GALNT11: variants seen among roughly 807,000 people sequenced by gnomAD.
The protein encoded by GALNT11 is UDP-GalNAc:polypeptide N-acetylgalactosaminyltransferase 11.
GALNT11 carries 47 observed loss-of-function variants against 72.7 expected under a neutral mutation model. That is an observed-to-expected ratio of 0.65 (90% CI 0.51 to 0.82). GALNT11 has a LOEUF of 0.82. GALNT11 is among the 40% of genes least tolerant of loss of function. GALNT11 has a pLI of 0.00. For synonymous variants in GALNT11, 270 were observed against 286.6 expected (o/e 0.94, Z 0.58); for missense variants, 677 against 778.4 (o/e 0.87, Z 1.55).
intron 1 of GALNT11, among the ~76,000 whole-genome samples, chr7:152,081,965 T>C (rs1222841135): frequency 6.6e-6 from 1 of 152,210 alleles, no homozygotes; most frequent in Admixed American, 6.5e-5. Context: ...GTGTGGATAG[T>C]TCATAGTTTG....
chr7:152,072,874 C>T (rs1004745100), intron 1 of GALNT11, among the ~76,000 whole-genome samples: 21 of 152,340 alleles, frequency 1.4e-4, no homozygotes, highest in Middle Eastern at 3.4e-3. Flanking sequence ...TGCTGACGGG[C>T]ACCACCCTTT....
At chr7:152,070,780 A>G (rs563147315) in intron 1 of GALNT11, among the ~76,000 whole-genome samples, 18 of 152,268 alleles carry the variant, frequency 1.2e-4, no homozygotes, top group African/African-American at 4.3e-4. Context: ...TTATCGGGGA[A>G]TCTGCCCCAA....
intron 1 of GALNT11, among the ~76,000 whole-genome samples, chr7:152,071,634 A>C (rs912709237): frequency 6.6e-6 from 1 of 152,232 alleles, no homozygotes; most frequent in African/African-American, 2.4e-5. Context: ...AGGCATAGGA[A>C]ATCACAAGGG....
chr7:152,029,124 T>TA (rs1337526986), intron 1 of GALNT11, among the ~76,000 whole-genome samples: 2 of 152,120 alleles, frequency 1.3e-5, no homozygotes, highest in Non-Finnish European at 2.9e-5. Context: ...CTGGTTAGTG[T>TA]AAAAACAACA....
At chr7:152,103,090 T>C in intron 3 of GALNT11, 22 bp from the exon 4 acceptor site, 2 of 1,583,120 alleles carry the variant, frequency 1.3e-6, no homozygotes, top group Non-Finnish European at 1.7e-6. Flanking sequence ...ATGTCAGAAT[T>C]TCCTCATCTT....
In GALNT11 at chr7:152,094,266, C is replaced by A; in HGVS notation, c.39C>A (p.Cys13Ter). 1 of 1,612,064 alleles carries A rather than the reference C, an allele frequency of 6.2e-7. No individual in the cohort carries two copies. The highest frequency in any genetic ancestry group is 1.1e-5 in the South Asian group (1 of 90,872). ...CAGTTCGGTATTTCTGTTATGGGTG[C>A]CTTTTTACATCTGCGACCTGGACAG... Reference protein sequence around the residue: ...SVTVRYFCYGCLFTSATWTVL... With the variant: ...SVTVRYFCYG The change falls in exon 2 of 12, where the codon TGC becomes TGA. Residue 13 changes from cysteine to a stop codon, truncating the protein, a stop_gained. Transcript: ENST00000430044. LOFTEE classifies it high-confidence loss of function. This position sits in a 1 kb window ranked among gnomAD's most constrained non-coding sequence, Gnocchi z 4.3.
At chr7:152,039,004 C>G (rs1393282654) in intron 1 of GALNT11, among the ~76,000 whole-genome samples, 1 of 152,098 alleles carries the variant, frequency 6.6e-6, no homozygotes, top group South Asian at 2.1e-4. Context: ...TGTTTAGCTC[C>G]TACAATGGGC....
Position 152,025,774 on chromosome 7 carries a change from G to A in GALNT11, c.-149G>A. 1 of 170,340 alleles carries A rather than the reference G, an allele frequency of 5.9e-6. No homozygotes were observed. Among genetic ancestry groups the A allele is most frequent in the South Asian group, 8.6e-5 (1 of 11,674 alleles). 10.6% of individuals were successfully genotyped at this position (170,340 alleles called of 1,614,324 possible). ...GCGCGACGCCTGGCTGCTGGGCCCC[G>A]GGGCAGTTCAGCCCGCGCCGCTCCT... On this transcript the variant is annotated 5_prime_UTR_variant, in exon 1 of 12. Coordinates refer to ENST00000430044, the MANE Select transcript of GALNT11 (RefSeq NM_022087.4).
chr7:152,071,828 G>C (rs1762907740), intron 1 of GALNT11, among the ~76,000 whole-genome samples: 1 of 152,048 alleles, frequency 6.6e-6, no homozygotes, highest in African/African-American at 2.4e-5. Context: ...TGGGGTCCCT[G>C]ACTTCCTGCA....
At chr7:152,032,183 G>T (rs181269895) in intron 1 of GALNT11, among the ~76,000 whole-genome samples, 96 of 152,316 alleles carry the variant, frequency 6.3e-4, no homozygotes, top group Middle Eastern at 3.4e-3. Flanking sequence ...CAGAGTGCCT[G>T]GACTTGAGAA....
At chr7:152,071,782 C>T (rs1321282843) in intron 1 of GALNT11, among the ~76,000 whole-genome samples, 2 of 152,128 alleles carry the variant, frequency 1.3e-5, no homozygotes, top group African/African-American at 2.4e-5. Context: ...TCACAATCCA[C>T]GTTCTTCTGC....
chr7:152,073,803 GT>G (rs763819797), intron 1 of GALNT11, among the ~76,000 whole-genome samples: 24 of 152,248 alleles, frequency 1.6e-4, no homozygotes, highest in South Asian at 1.2e-3. Context: ...CCCAGCATTT[GT>G]TGGTTTTGTT....
chr7:152,094,455 T>C lies in GALNT11; in HGVS notation c.228T>C (p.Ile76=). 1 of 1,614,128 alleles carries C rather than the reference T, an allele frequency of 6.2e-7. No homozygotes were observed. The highest frequency in any genetic ancestry group is 8.5e-7 in the Non-Finnish European group (1 of 1,180,020). The change falls in exon 2 of 12, where the codon ATT becomes ATC. Residue 76 remains isoleucine (I), a synonymous_variant. Coordinates refer to ENST00000430044, the MANE Select transcript of GALNT11 (RefSeq NM_022087.4). The surrounding 1 kb of genome is among the most constrained non-coding windows in gnomAD (Gnocchi z 4.3). Reference sequence around the variant, plus strand: ...AGCCACAGTTCAAAGCAAACAAAATTGACGATGTGATAGACAGTCGTGTTG... The same window carrying C: ...AGCCACAGTTCAAAGCAAACAAAATCGACGATGTGATAGACAGTCGTGTTG... ...VLEPQFKANK[I]DDVIDSRVED... is the part of the protein sequence containing the mutation.
intron 1 of GALNT11, among the ~76,000 whole-genome samples, chr7:152,093,778 G>A (rs2086195415): frequency 6.6e-6 from 1 of 151,818 alleles, no homozygotes; most frequent in South Asian, 2.1e-4. Context: ...TAAGATCCTT[G>A]GATTAAAAAA....
At chr7:152,111,163 T>C (rs533766062) in intron 7 of GALNT11, among the ~76,000 whole-genome samples, 6 of 152,018 alleles carry the variant, frequency 3.9e-5, no homozygotes, top group African/African-American at 1.4e-4. Context: ...GGTATTTATT[T>C]TTTTGAGACA....
In GALNT11 at chr7:152,094,356, G is replaced by C. The variant is rs1418062933; in HGVS notation, c.129G>C (p.Lys43Asn). The change falls in exon 2 of 12, where the codon AAG becomes AAC. Residue 43 changes from lysine to asparagine, a missense_variant. Coordinates refer to ENST00000430044, the MANE Select transcript of GALNT11 (RefSeq NM_022087.4). The surrounding 1 kb of genome is among the most constrained non-coding windows in gnomAD (Gnocchi z 4.3). ...VTQPLKNVPVKGSGPHGPSPK... is the reference protein window; with the variant it reads ...VTQPLKNVPVNGSGPHGPSPK... ...AGCCACTTAAGAATGTGCCCGTCAA[G>C]GGGTCTGGGCCCCACGGACCATCTC... is the stretch of plus-strand genomic sequence containing the variant. The C allele has an allele frequency of 6.2e-7, 1 of 1,614,124 alleles. No individual in the cohort carries two copies. The highest frequency in any genetic ancestry group is 1.1e-5 in the South Asian group (1 of 91,078).
chr7:152,089,415 T>C (rs1453365232), intron 1 of GALNT11, among the ~76,000 whole-genome samples: 1 of 152,248 alleles, frequency 6.6e-6, no homozygotes, highest in African/African-American at 2.4e-5. Flanking sequence ...CTCATCGCAG[T>C]TGGAACAATG....
At chr7:152,110,493 A>G (rs1462323185) in intron 6 of GALNT11, 35 bp from the exon 7 acceptor site, 3 of 1,471,224 alleles carry the variant, frequency 2.0e-6, no homozygotes, top group Middle Eastern at 1.7e-4. Context: ...ATAACTGACT[A>G]TAAGGAATGA....
chr7:152,113,548 C>A (rs901031683), intron 8 of GALNT11, 150 bp downstream of exon 8: 13 of 802,564 alleles, frequency 1.6e-5, no homozygotes, highest in Non-Finnish European at 2.5e-5. Flanking sequence ...CCCCCCACCC[C>A]CTTCACCTAG....
Sources: allele counts gnomAD v4.1 joint callset (sites outside exome capture counted in the v4.1 genomes callset), GRCh38; gene constraint gnomAD v4.1.1; non-coding constraint Gnocchi (gnomAD v3.1); transcripts MANE v1.5; gene names NCBI Gene and HGNC (gene_info 2026-07-23, HGNC 2026-07-21).